FAM118A: variants seen among roughly 807,000 people sequenced by gnomAD.
FAM118A encodes protein FAM118A.
In FAM118A, 25 loss-of-function variants were observed where a neutral mutation model predicts 38.2. The observed-to-expected ratio is 0.65, with a 90% confidence interval of 0.48 to 0.91. The LOEUF (loss-of-function observed/expected upper bound fraction) is 0.91. Ranked by LOEUF, FAM118A falls within the 40% of genes least tolerant of loss-of-function variation. The pLI, the probability that FAM118A is intolerant of heterozygous loss-of-function variation, is 0.00. For missense variants in FAM118A, 425 were observed against 463.3 expected, an observed-to-expected ratio of 0.92 and a Z score of 0.76; for synonymous variants, 178 against 184.1, an observed-to-expected ratio of 0.97 and a Z score of 0.27.
Position 45,332,724 on chromosome 22 carries a change from C to T in FAM118A, c.937+14C>T. On this transcript the variant is annotated intron_variant, in intron 6 of 8. Transcript: ENST00000441876. ...AGCAAAGCCCAGGTATGGGATCTGG[C>T]TTCACTTTCCTTTTTCTTTCTTTTT... The T allele has an allele frequency of 1.9e-6, 3 of 1,544,138 alleles. No individual in the cohort carries two copies. The highest frequency in any genetic ancestry group is 1.2e-5 in the South Asian group (1 of 80,188).
Position 45,340,451 on chromosome 22 carries a change from C to T in FAM118A, c.*46C>T. 6.2e-7 allele frequency: 1 copy of T among 1,605,540 alleles called. No homozygotes were observed. The highest frequency in any genetic ancestry group is 8.5e-7 in the Non-Finnish European group (1 of 1,172,152). Reference sequence around the variant, plus strand: ...CAACTTGAAAACTAGCCTTCTGTAACCACAGTGCCCAAACGAAGAGGAATG... The same window carrying T: ...CAACTTGAAAACTAGCCTTCTGTAATCACAGTGCCCAAACGAAGAGGAATG... On this transcript the variant is annotated 3_prime_UTR_variant, in exon 9 of 9. Transcript: ENST00000441876.
chr22:45,335,227 C>A (rs1386744033), intron 6 of FAM118A, 123 bp from the exon 7 acceptor site: 2 of 1,047,514 alleles, frequency 1.9e-6, no homozygotes, highest in Non-Finnish European at 2.9e-6. Context: ...GCAGCCCGCG[C>A]GGGCTGACCT....
chr22:45,332,019 T>C (rs1187554629), intron 5 of FAM118A, among the ~76,000 whole-genome samples: 1 of 152,210 alleles, frequency 6.6e-6, no homozygotes, highest in Non-Finnish European at 1.5e-5. Flanking sequence ...CTGAAAACAT[T>C]TACTGTCCTC....
chr22:45,335,857 G>A (rs1263988950), intron 7 of FAM118A, among the ~76,000 whole-genome samples: 1 of 152,208 alleles, frequency 6.6e-6, no homozygotes, highest in African/African-American at 2.4e-5. Context: ...AATGAGACTC[G>A]GTGGCCATGA....
At chr22:45,332,939 C>T (rs970268250) in intron 6 of FAM118A, among the ~76,000 whole-genome samples, 9 of 151,984 alleles carry the variant, frequency 5.9e-5, no homozygotes, top group African/African-American at 2.2e-4. Flanking sequence ...GATAGGGTTT[C>T]ACCATGTTGG....
intron 3 of FAM118A, among the ~76,000 whole-genome samples, chr22:45,324,935 T>A (rs2085153027): frequency 6.6e-6 from 1 of 152,166 alleles, no homozygotes; most frequent in Non-Finnish European, 1.5e-5. Context: ...TAATCCCAGC[T>A]ACTCAGGAGG....
rs1352146270 is a variant in FAM118A, at chr22:45,340,494, G to T, written c.*89G>T. On this transcript the variant is annotated 3_prime_UTR_variant, in exon 9 of 9. Transcript: ENST00000441876. ...GAGGAATGTATGGAGAACTCCACGT[G>T]GATCTCTGATTGCGAAACCGTCACA... is the stretch of plus-strand genomic sequence containing the variant. 2.7e-6 allele frequency: 4 copies of T among 1,477,962 alleles called. No homozygotes were observed. Among genetic ancestry groups the T allele is most frequent in the Middle Eastern group, 3.5e-4 (2 of 5,762 alleles). 91.6% of individuals were successfully genotyped at this position (1,477,962 alleles called of 1,614,324 possible). A position where few individuals can be genotyped will look rare whatever the true frequency, so the allele number is the denominator to read the frequency against.
At chr22:45,319,633 T>A (rs546336584) in intron 1 of FAM118A, among the ~76,000 whole-genome samples, 1 of 152,308 alleles carries the variant, frequency 6.6e-6, no homozygotes, top group East Asian at 1.9e-4. Context: ...AACAGTTAAA[T>A]CAGTCATTGA....
intron 4 of FAM118A, 134 bp from the exon 5 acceptor site, chr22:45,330,469 T>A (rs1259922851): frequency 2.9e-6 from 3 of 1,021,624 alleles, no homozygotes; most frequent in Non-Finnish European, 4.0e-6. Flanking sequence ...AAGGTATAAG[T>A]GTAAAGTGAA....
chr22:45,334,964 C>G (rs1189987826), intron 6 of FAM118A: 4 of 197,028 alleles, frequency 2.0e-5, no homozygotes, highest in Non-Finnish European at 4.1e-5. Flanking sequence ...TTGGGGCAGG[C>G]AAGTGGATTC....
chr22:45,337,644 C>T (rs2086201026), intron 8 of FAM118A, among the ~76,000 whole-genome samples: 1 of 152,098 alleles, frequency 6.6e-6, no homozygotes. Context: ...TGCCACCCCA[C>T]ATCTCCCAGG....
chr22:45,336,696 A>G (rs535521569), intron 8 of FAM118A, among the ~76,000 whole-genome samples: 4 of 152,346 alleles, frequency 2.6e-5, no homozygotes, highest in African/African-American at 9.6e-5. Context: ...CTCTCCAAAA[A>G]GAAAAGTTAA....
chr22:45,317,987 G>C (rs552756811), intron 1 of FAM118A, among the ~76,000 whole-genome samples: 6 of 152,212 alleles, frequency 3.9e-5, no homozygotes, highest in Non-Finnish European at 8.8e-5. Flanking sequence ...CATGAGGGGC[G>C]GGGCCATTAA....
chr22:45,317,898 G>T (rs569243409), intron 1 of FAM118A, among the ~76,000 whole-genome samples: 2 of 152,286 alleles, frequency 1.3e-5, no homozygotes, highest in Non-Finnish European at 2.9e-5. Flanking sequence ...CCCATTTGCC[G>T]ATATCTCAGT....
intron 2 of FAM118A, 99 bp from the exon 3 acceptor site, chr22:45,323,076 T>TGTGTAC: frequency 7.8e-7 from 1 of 1,282,230 alleles, no homozygotes; most frequent in Admixed American, 1.9e-5. Context: ...TGTGTGTGTG[T>TGTGTAC]ACACAGCACA....
chr22:45,333,811 G>T (rs2085900282), intron 6 of FAM118A, among the ~76,000 whole-genome samples: 1 of 152,096 alleles, frequency 6.6e-6, no homozygotes, highest in Admixed American at 6.6e-5. Context: ...ACTTATTCCA[G>T]TCTGGACGTC....
At chr22:45,332,892 C>G (rs570722677) in intron 6 of FAM118A, among the ~76,000 whole-genome samples, 182 bp downstream of exon 6, 1 of 152,016 alleles carries the variant, frequency 6.6e-6, no homozygotes, top group Admixed American at 6.5e-5. Flanking sequence ...TACAGGCATG[C>G]GCCACCATGC....
At chr22:45,317,492 C>G (rs993302079) in intron 1 of FAM118A, among the ~76,000 whole-genome samples, 3 of 152,158 alleles carry the variant, frequency 2.0e-5, no homozygotes, top group Admixed American at 6.5e-5. Flanking sequence ...TAATGGAAAG[C>G]GAGTAATTTA....
chr22:45,337,245 A>T (rs187634706), intron 8 of FAM118A, among the ~76,000 whole-genome samples: 1 of 152,196 alleles, frequency 6.6e-6, no homozygotes, highest in African/African-American at 2.4e-5. Flanking sequence ...CGAGACCCCC[A>T]GTCTGTCTGT....
Sources: allele counts gnomAD v4.1 joint callset (sites outside exome capture counted in the v4.1 genomes callset), GRCh38; gene constraint gnomAD v4.1.1; transcripts MANE v1.5; gene names NCBI Gene and HGNC (gene_info 2026-07-23, HGNC 2026-07-21).